The following NTNG1 variants were observed in gnomAD, a reference collection of about 807,000 sequenced individuals.
NTNG1 encodes the protein netrin-G1.
NTNG1 carries 16 observed loss-of-function variants against 54.0 expected under a neutral mutation model. The ratio of observed to expected loss-of-function variants is 0.30; its 90% CI spans 0.20 to 0.45. The LOEUF (loss-of-function observed/expected upper bound fraction) is 0.45. Among genes scored for constraint, NTNG1 ranks in the 20% least tolerant of loss-of-function variants. NTNG1 has a pLI of 1.00. For missense variants in NTNG1, 530 were observed against 678.7 expected (o/e 0.78, Z 2.43); for synonymous variants, 255 against 263.1 (o/e 0.97, Z 0.30).
At chr1:107,356,684 G>GAAC (rs1183320473) in intron 3 of NTNG1, among the ~76,000 whole-genome samples, 1 of 151,274 alleles carries the variant, frequency 6.6e-6, no homozygotes, top group Non-Finnish European at 1.5e-5. Flanking sequence ...GTCATTAGAA[G>GAAC]AAACGTATTG....
intron 2 of NTNG1, among the ~76,000 whole-genome samples, chr1:107,180,125 T>TCTG (rs1656961185): frequency 1.3e-5 from 2 of 152,194 alleles, no homozygotes; most frequent in Admixed American, 1.3e-4. Flanking sequence ...AATATAGGAA[T>TCTG]TGTAATAAAA....
At chr1:107,292,871 C>T (rs1665708781) in intron 2 of NTNG1, among the ~76,000 whole-genome samples, 1 of 152,122 alleles carries the variant, frequency 6.6e-6, no homozygotes, top group Admixed American at 6.5e-5. Flanking sequence ...TTCAAGTTAC[C>T]CCCGTGGCCT....
At chr1:107,428,584 A>C (rs1557991920) in intron 5 of NTNG1, among the ~76,000 whole-genome samples, 1 of 152,092 alleles carries the variant, frequency 6.6e-6, no homozygotes, top group African/African-American at 2.4e-5. Flanking sequence ...AGAGGAGGCG[A>C]CCCAGGGGCA....
intron 2 of NTNG1, among the ~76,000 whole-genome samples, chr1:107,185,992 C>T (rs1391373842): frequency 6.6e-6 from 1 of 152,056 alleles, no homozygotes; most frequent in Non-Finnish European, 1.5e-5. Flanking sequence ...ACATTGTACC[C>T]ACTAGGTAAT....
At position 107,324,646 on chromosome 1, in the gene NTNG1, T is replaced by C; in HGVS notation, c.611T>C (p.Ile204Thr). ...TTATCACAGCATACGGTCTTAGAAA[T>C]CATTTGCACAGAAGAGTACTCAACA... ...KDLSQHTVLEIICTEEYSTGY... is the reference protein window; with the variant it reads ...KDLSQHTVLETICTEEYSTGY... Residue 204 changes from isoleucine (I) to threonine (T), a missense_variant, in exon 3 of 8, where the codon ATC becomes ACC. Physicochemically the swap from Ile to Thr is moderately conservative, Grantham distance 89. This residue lies in a region of NTNG1 where 318 missense variants were observed against 465.1 expected (regional missense o/e 0.68). Transcript: ENST00000370068. 1 of 1,613,628 alleles carries C rather than the reference T, an allele frequency of 6.2e-7. No homozygotes were observed. Among genetic ancestry groups the C allele is most frequent in the Non-Finnish European group, 8.5e-7 (1 of 1,179,832 alleles).
At chr1:107,292,103 T>C (rs1665643788) in intron 2 of NTNG1, among the ~76,000 whole-genome samples, 2 of 152,096 alleles carry the variant, frequency 1.3e-5, no homozygotes, top group South Asian at 4.1e-4. Context: ...AAAATGCAGA[T>C]AAAAACAAGA....
intron 3 of NTNG1, among the ~76,000 whole-genome samples, chr1:107,347,376 A>G (rs560557648): frequency 1.3e-5 from 2 of 152,262 alleles, no homozygotes; most frequent in South Asian, 2.1e-4. Flanking sequence ...TTAGCTGGGC[A>G]TGGTGGTGGG....
At chr1:107,357,262 C>A (rs1399978015) in intron 3 of NTNG1, among the ~76,000 whole-genome samples, 1 of 126,088 alleles carries the variant, frequency 7.9e-6, no homozygotes, top group Non-Finnish European at 1.7e-5. Context: ...CTGACCTGAT[C>A]CTCATTGAGC....
intron 2 of NTNG1, among the ~76,000 whole-genome samples, chr1:107,255,427 G>A (rs1321987730): frequency 1.3e-5 from 2 of 152,132 alleles, no homozygotes; most frequent in South Asian, 2.1e-4. Context: ...TGATTTGGTT[G>A]GCTTTCTACA....
chr1:107,278,800 A>T (rs963052546), intron 2 of NTNG1, among the ~76,000 whole-genome samples: 27 of 152,174 alleles, frequency 1.8e-4, no homozygotes, highest in African/African-American at 5.8e-4. Flanking sequence ...CTTAAAAAAA[A>T]GATTTTCTTG....
At chr1:107,312,092 A>G (rs1170721424) in intron 2 of NTNG1, among the ~76,000 whole-genome samples, 1 of 152,214 alleles carries the variant, frequency 6.6e-6, no homozygotes, top group Admixed American at 6.5e-5. Flanking sequence ...TGCAGAAAAT[A>G]GGTTATAAGA....
intron 5 of NTNG1, among the ~76,000 whole-genome samples, chr1:107,422,361 C>T (rs1230497340): frequency 6.6e-6 from 1 of 151,980 alleles, no homozygotes; most frequent in East Asian, 1.9e-4. Flanking sequence ...AAGGAAAAAG[C>T]ACATGCAAAG....
At chr1:107,229,542 A>T (rs1660917409) in intron 2 of NTNG1, among the ~76,000 whole-genome samples, 1 of 151,514 alleles carries the variant, frequency 6.6e-6, no homozygotes, top group Non-Finnish European at 1.5e-5. Context: ...TTTAAATGAG[A>T]ATTTATGGAA....
At chr1:107,408,180 T>C (rs531960572) in intron 5 of NTNG1, 1 of 242,678 alleles carries the variant, frequency 4.1e-6, no homozygotes, top group East Asian at 1.1e-4. Context: ...GGGAAGGGAA[T>C]TTTGTTAATG....
At chr1:107,413,451 AT>A (rs1177658075) in intron 5 of NTNG1, among the ~76,000 whole-genome samples, 3 of 151,902 alleles carry the variant, frequency 2.0e-5, no homozygotes, top group Non-Finnish European at 4.4e-5. Flanking sequence ...TGCTTAAAAA[AT>A]TTTTTTCAAT....
At chr1:107,329,910 A>C (rs1022246097) in intron 3 of NTNG1, among the ~76,000 whole-genome samples, 1 of 152,134 alleles carries the variant, frequency 6.6e-6, no homozygotes, top group African/African-American at 2.4e-5. Flanking sequence ...AACGACAAAA[A>C]AAAAATGATG....
intron 2 of NTNG1, among the ~76,000 whole-genome samples, chr1:107,152,072 A>T (rs1654617487): frequency 6.6e-6 from 1 of 151,834 alleles, no homozygotes; most frequent in Non-Finnish European, 1.5e-5. Context: ...ATATACATAC[A>T]TATATACATG....
chr1:107,140,113 C>T (rs896128006), upstream of NTNG1: 5 of 154,620 alleles, frequency 3.2e-5, no homozygotes, highest in East Asian at 5.7e-4. Flanking sequence ...GGTCGTGGAG[C>T]GGCAGCAGCT....
In NTNG1 at chr1:107,148,417, T is replaced by G. The variant is rs1184372863; in HGVS notation, c.-177T>G. 1.0e-5 allele frequency: 6 copies of G among 601,278 alleles called. No individual in the cohort carries two copies. The highest frequency in any genetic ancestry group is 1.8e-5 in the Non-Finnish European group (6 of 340,222). The allele number at this position is 601,278 out of a possible 1,614,324, so 37.2% of individuals were successfully genotyped here. On this transcript the variant is annotated 5_prime_UTR_variant, in exon 2 of 8. Coordinates refer to ENST00000370068, the MANE Select transcript of NTNG1 (RefSeq NM_001113226.3). ...TGAATACGCACAATATCTTAACTCT[T>G]CATATTTGGTTTTGGGATCTGCTTT...
Sources: gnomAD v4.1 joint callset for allele counts (sites outside exome capture counted in the v4.1 genomes callset) on GRCh38, gnomAD v4.1.1 for gene constraint, gnomAD v4.1.1 regional missense constraint, MANE v1.5 for transcripts, NCBI Gene and HGNC (gene_info 2026-07-23, HGNC 2026-07-21) for gene names.